Variants in CSNK2A1 observed in about 807,000 individuals in gnomAD.
CSNK2A1 encodes the protein casein kinase II subunit alpha.
Under a neutral mutation model 62.9 loss-of-function variants are expected in CSNK2A1, and 10 were observed. The ratio of observed to expected loss-of-function variants is 0.16; its 90% confidence interval spans 0.10 to 0.27. The LOEUF is 0.27. CSNK2A1 is among the 10% of genes least tolerant of loss of function. The probability of loss-of-function intolerance (pLI) is 1.00; values close to 1 mark genes in which losing one functional copy is unlikely to be tolerated. For missense variants in CSNK2A1, 160 were observed against 492.0 expected (o/e 0.33, Z 6.38); for synonymous variants, 124 against 167.8 (o/e 0.74, Z 2.02).
chr20:519,737 A>G (rs2018905673), intron 2 of CSNK2A1, among the ~76,000 whole-genome samples: 1 of 152,248 alleles, frequency 6.6e-6, no homozygotes, highest in Non-Finnish European at 1.5e-5. Context: ...TCTAAAGAAA[A>G]AAGAAAAATA....
rs1433941426 is a variant in CSNK2A1, at chr20:499,605, G to T, written c.315+228C>A. 1 of 564,450 alleles carries T rather than the reference G, an allele frequency of 1.8e-6. No homozygotes were observed. Among genetic ancestry groups the T allele is most frequent in the Non-Finnish European group, 3.1e-6 (1 of 322,984 alleles). 35.0% of individuals were successfully genotyped at this position (564,450 alleles called of 1,614,324 possible). A position where few individuals can be genotyped will look rare whatever the true frequency, so the allele number is the denominator to read the frequency against. ...TTGCAAAATGGATTAACACATTTCA[G>T]TTTCCAGTGCTATCAGTCTCTTAGC... On this transcript the variant is annotated intron_variant, in intron 5 of 13. Coordinates refer to ENST00000217244, the MANE Select transcript of CSNK2A1 (RefSeq NM_177559.3). The surrounding 1 kb of genome is among the most constrained non-coding windows in gnomAD (Gnocchi z 4.2).
In CSNK2A1 at chr20:478,565, T is replaced by C. The variant is rs1600359330; in HGVS notation, c.*5396A>G. 5 of 343,168 alleles carry C rather than the reference T, an allele frequency of 1.5e-5. No homozygotes were observed. Among genetic ancestry groups the C allele is most frequent in the South Asian group, 1.0e-4 (5 of 47,888 alleles). The allele number at this position is 343,168 out of a possible 1,614,324, so 21.3% of individuals were successfully genotyped here. A position where few individuals can be genotyped will look rare whatever the true frequency, so the allele number is the denominator to read the frequency against. ...TCCCCCCAGGAACTTCTCTAAGAAATGGACTGACCATCCTGTAAGCTTCCA... is the reference window on the plus strand; with the variant it reads ...TCCCCCCAGGAACTTCTCTAAGAAACGGACTGACCATCCTGTAAGCTTCCA... On this transcript the variant is annotated 3_prime_UTR_variant, in exon 14 of 14. Coordinates refer to ENST00000217244, the MANE Select transcript of CSNK2A1 (RefSeq NM_177559.3).
At chr20:513,405 G>A (rs938364022) in intron 2 of CSNK2A1, among the ~76,000 whole-genome samples, 3 of 152,200 alleles carry the variant, frequency 2.0e-5, no homozygotes, top group African/African-American at 7.2e-5. Flanking sequence ...TGAAATGCAT[G>A]TAAATTTGTA....
chr20:485,392 A>G (rs1234864300), intron 13 of CSNK2A1, among the ~76,000 whole-genome samples: 1 of 151,982 alleles, frequency 6.6e-6, no homozygotes, highest in Non-Finnish European at 1.5e-5. Context: ...CATGCTGGCC[A>G]GGCTGGTCTC....
Position 475,340 on chromosome 20 carries a change from A to C in CSNK2A1, c.*8621T>G, listed in dbSNP as rs1209871094. On this transcript the variant is annotated 3_prime_UTR_variant, in exon 14 of 14. Transcript: ENST00000217244. ...CTGGGTGTGGTGGCATGTGCCTATAATCCCAACTACTTGGGAGGCTGAGGC... is the reference window on the plus strand; with the variant it reads ...CTGGGTGTGGTGGCATGTGCCTATACTCCCAACTACTTGGGAGGCTGAGGC... 6.6e-6 allele frequency: 1 copy of C among 152,238 alleles called. No homozygotes were observed. Among genetic ancestry groups the C allele is most frequent in the Non-Finnish European group, 1.5e-5 (1 of 68,200 alleles). The allele number at this position is 152,238 out of a possible 1,614,324, so 9.4% of individuals were successfully genotyped here. A position where few individuals can be genotyped will look rare whatever the true frequency, so the allele number is the denominator to read the frequency against.
intron 7 of CSNK2A1, chr20:496,488 G>A (rs1159427263): frequency 6.6e-6 from 1 of 152,182 alleles, no homozygotes; most frequent in Non-Finnish European, 1.5e-5. Context: ...TAATCTTTGG[G>A]GTTTGTTAAT....
At position 481,106 on chromosome 20, in the gene CSNK2A1, A is replaced by T. The variant is rs373286724; in HGVS notation, c.*2855T>A. 1 of 152,202 alleles carries T rather than the reference A, an allele frequency of 6.6e-6. No individual in the cohort carries two copies. Among genetic ancestry groups the T allele is most frequent in the African/African-American group, 2.4e-5 (1 of 41,430 alleles). The allele number at this position is 152,202 out of a possible 1,614,324, so 9.4% of individuals were successfully genotyped here. A position where few individuals can be genotyped will look rare whatever the true frequency, so the allele number is the denominator to read the frequency against. On this transcript the variant is annotated 3_prime_UTR_variant, in exon 14 of 14. Transcript: ENST00000217244. ...AGCATATTGCTCAGGCTGCAGGGAC[A>T]TTTCATTTATTTAAATGTTTTTATT... is the stretch of plus-strand genomic sequence containing the variant.
intron 13 of CSNK2A1, 35 bp from the exon 14 acceptor site, chr20:484,111 C>G (rs1469116499): frequency 1.3e-6 from 2 of 1,481,750 alleles, no homozygotes; most frequent in East Asian, 5.2e-5. Context: ...GCCAAAGACA[C>G]CAACCATGGC....
chr20:525,151 TAG>T (rs1344110430), intron 2 of CSNK2A1, among the ~76,000 whole-genome samples: 2 of 151,930 alleles, frequency 1.3e-5, no homozygotes, highest in Non-Finnish European at 1.5e-5. Context: ...ACATAGGCTA[TAG>T]AGAGTTTGTT....
At chr20:520,042 A>G (rs1452518880) in intron 2 of CSNK2A1, among the ~76,000 whole-genome samples, 1 of 152,184 alleles carries the variant, frequency 6.6e-6, no homozygotes, top group Middle Eastern at 3.2e-3. Flanking sequence ...AAAATAGCAT[A>G]TATTTCCAAA....
rs1387490144 is a variant in CSNK2A1, at chr20:485,088, AAAAAAAAAAAAAAAAAAAAAAATATATAT to A, written c.1061-1041_1061-1013del. On this transcript the variant is annotated intron_variant, in intron 13 of 13. Transcript: ENST00000217244. The stretch of plus-strand genomic sequence containing the variant: ...CTCCAAAAAAAAAAAAAAAAAAAAA[AAAAAAAAAAAAAAAAAAAAAAATATATAT>A]ATATATATATATATATATATGAGAA... Among the ~76,000 whole-genome samples the A allele has an allele frequency of 2.6e-3, 105 of 40,210 alleles. 1 individual carries two copies. The highest frequency in any genetic ancestry group is 4.0e-3 in the African/African-American group (46 of 11,380). 26.4% of individuals were successfully genotyped at this position (40,210 alleles called of 152,430 possible).
At chr20:493,202 A>T (rs205902) in intron 8 of CSNK2A1, among the ~76,000 whole-genome samples, 124,855 of 152,076 alleles carry the variant, frequency 0.82, 51,422 homozygotes, top group East Asian at 0.99. Context: ...TGGATTCTTG[A>T]TTCCCTCAGA....
At chr20:532,749 T>G (rs1234827586) in intron 1 of CSNK2A1, among the ~76,000 whole-genome samples, 2 of 152,110 alleles carry the variant, frequency 1.3e-5, no homozygotes, top group Non-Finnish European at 2.9e-5. Flanking sequence ...TATTTCACAA[T>G]TCCTCTTATT....
chr20:499,345 T>A lies in CSNK2A1; in HGVS notation c.316-40A>T. 6.3e-7 allele frequency: 1 copy of A among 1,589,322 alleles called. No homozygotes were observed. Among genetic ancestry groups the A allele is most frequent in the Non-Finnish European group, 8.6e-7 (1 of 1,165,452 alleles). On this transcript the variant is annotated intron_variant, in intron 5 of 13. Coordinates refer to ENST00000217244, the MANE Select transcript of CSNK2A1 (RefSeq NM_177559.3). This position sits in a 1 kb window ranked among gnomAD's most constrained non-coding sequence, Gnocchi z 4.2. ...CAAAAACAAAAACACACATTAGCAATAGCCCTGACAGCTTTAATGGGGACA... is the reference window on the plus strand; with the variant it reads ...CAAAAACAAAAACACACATTAGCAAAAGCCCTGACAGCTTTAATGGGGACA...
At chr20:489,990 A>C in intron 9 of CSNK2A1, 109 bp from the exon 10 acceptor site, 3 of 822,664 alleles carry the variant, frequency 3.6e-6, no homozygotes, top group Non-Finnish European at 5.3e-6. Flanking sequence ...CTGACTCAAA[A>C]TCAAAACACT....
intron 9 of CSNK2A1, among the ~76,000 whole-genome samples, chr20:491,209 G>T (rs531700659): frequency 3.3e-4 from 51 of 152,260 alleles, no homozygotes; most frequent in African/African-American, 1.2e-3. Context: ...GAAAACTTCA[G>T]ATTTTTAAAC....
At position 508,083 on chromosome 20, in the gene CSNK2A1, C is replaced by T. The variant is rs367944771; in HGVS notation, c.101+368G>A. On this transcript the variant is annotated intron_variant, in intron 3 of 13. Coordinates refer to ENST00000217244, the MANE Select transcript of CSNK2A1 (RefSeq NM_177559.3). ...GGTAATGAATGCACTGTTGATGTTACGATGACATCACTAGGCCACAGACAT... is the reference window on the plus strand; with the variant it reads ...GGTAATGAATGCACTGTTGATGTTATGATGACATCACTAGGCCACAGACAT... 91 of 170,622 alleles carry T rather than the reference C, an allele frequency of 5.3e-4. No homozygotes were observed. The South Asian group carries it at 7.2e-3, about 14-fold the overall frequency. The allele number at this position is 170,622 out of a possible 1,614,324, so 10.6% of individuals were successfully genotyped here. A position where few individuals can be genotyped will look rare whatever the true frequency, so the allele number is the denominator to read the frequency against.
At chr20:506,387 T>A (rs2018602960) in intron 3 of CSNK2A1, 1 of 152,194 alleles carries the variant, frequency 6.6e-6, no homozygotes, top group South Asian at 2.1e-4. Context: ...AGTCCATGCG[T>A]AGTACGAAGC....
chr20:506,810 C>A (rs1430381928), intron 3 of CSNK2A1: 3 of 152,024 alleles, frequency 2.0e-5, no homozygotes, highest in Non-Finnish European at 2.9e-5. Context: ...GGAGGGCATA[C>A]AAAACAAATG....
Sources: gnomAD v4.1 joint callset for allele counts (sites outside exome capture counted in the v4.1 genomes callset) on GRCh38, gnomAD v4.1.1 for gene constraint, Gnocchi (gnomAD v3.1) non-coding constraint, MANE v1.5 for transcripts, NCBI Gene and HGNC (gene_info 2026-07-23, HGNC 2026-07-21) for gene names.